The following ZYG11A variants were observed in gnomAD, a reference collection of about 807,000 sequenced individuals.
The protein encoded by ZYG11A is zyg-11 family member A, cell cycle regulator.
In ZYG11A, 62 loss-of-function variants were observed where a neutral mutation model predicts 77.2. The ratio of observed to expected loss-of-function variants is 0.80; its 90% CI spans 0.65 to 0.99. ZYG11A has a LOEUF of 0.99. Among genes scored for constraint, ZYG11A ranks in the 50% least tolerant of loss-of-function variants. ZYG11A has a pLI of 0.00. For synonymous variants in ZYG11A, 315 were observed against 324.6 expected (o/e 0.97, Z 0.32); for missense variants, 828 against 896.8 (o/e 0.92, Z 0.98).
Position 52,867,613 on chromosome 1 carries a change from G to A in ZYG11A, c.1466G>A (p.Ser489Asn), listed in dbSNP as rs1037456298. The part of the protein sequence containing the change: ...ENPKMQTMAV[S>N]VTSILALQLS... ...CCCAAGATGCAAACAATGGCAGTGA[G>A]TGTCACCTCTATTCTGGCTCTGCAG... The change falls in exon 7 of 14, where the codon AGT (serine) becomes AAT (asparagine). Residue 489 changes from serine to asparagine, a missense_variant. Transcript: ENST00000371528. 1 of 1,552,266 alleles carries A rather than the reference G, an allele frequency of 6.4e-7. No homozygotes were observed. Among genetic ancestry groups the A allele is most frequent in the Non-Finnish European group, 8.7e-7 (1 of 1,147,090 alleles).
At position 52,889,713 on chromosome 1, in the gene ZYG11A, A is replaced by AT. The variant is rs34588418; in HGVS notation, c.2104+2676dup. ...GGCTTATTTCAATTTGCTAAATACC[A>AT]TTTTTTTTTTTTTTTTGAGATGGAG... On this transcript the variant is annotated intron_variant, in intron 13 of 13. Transcript: ENST00000371528. 1.6e-3 allele frequency among the ~76,000 whole-genome samples: 208 copies of AT among 132,692 alleles called. 1 individual carries two copies. In the East Asian group the frequency reaches 0.018, roughly 12 times the overall value. The allele number at this position is 132,692 out of a possible 152,430, so 87.1% of individuals were successfully genotyped here.
At chr1:52,858,570 G>T (rs1645862711) in intron 3 of ZYG11A, among the ~76,000 whole-genome samples, 2 of 151,670 alleles carry the variant, frequency 1.3e-5, no homozygotes, top group South Asian at 4.2e-4. Flanking sequence ...CTCCCAAAGT[G>T]CTGGGATTAT....
At chr1:52,844,178 A>C (rs1253930713) in intron 1 of ZYG11A, among the ~76,000 whole-genome samples, 2 of 151,976 alleles carry the variant, frequency 1.3e-5, no homozygotes, top group Admixed American at 6.6e-5. Flanking sequence ...CCCTTGGGGA[A>C]CTCGAGGGAT....
intron 8 of ZYG11A, among the ~76,000 whole-genome samples, chr1:52,871,979 T>C (rs1646176031): frequency 6.6e-6 from 1 of 152,256 alleles, no homozygotes; most frequent in South Asian, 2.1e-4. Flanking sequence ...TGGAATCTTA[T>C]GCTTATGAGT....
intron 8 of ZYG11A, among the ~76,000 whole-genome samples, chr1:52,870,320 G>A (rs1307778505): frequency 2.0e-5 from 3 of 151,166 alleles, no homozygotes; most frequent in Non-Finnish European, 4.4e-5. Flanking sequence ...AGGCAGAGAC[G>A]CTTCTCACTT....
intron 1 of ZYG11A, among the ~76,000 whole-genome samples, chr1:52,852,368 A>ATTT (rs35540943): frequency 7.5e-6 from 1 of 134,120 alleles, no homozygotes; most frequent in East Asian, 2.2e-4. Flanking sequence ...TTTAGAGCAA[A>ATTT]TTTTTTTTTT....
At chr1:52,882,807 A>G (rs1172184319) in intron 11 of ZYG11A, among the ~76,000 whole-genome samples, 1 of 152,146 alleles carries the variant, frequency 6.6e-6, no homozygotes, top group Non-Finnish European at 1.5e-5. Flanking sequence ...AGAAATCACA[A>G]TGGCTTACCC....
At chr1:52,854,366 G>C in intron 1 of ZYG11A, 99 bp from the exon 2 acceptor site, 8 of 1,104,100 alleles carry the variant, frequency 7.2e-6, no homozygotes, top group Non-Finnish European at 9.9e-6. Context: ...TGTATCTTCA[G>C]ATACTCTCAT....
At position 52,873,714 on chromosome 1, in the gene ZYG11A, G is replaced by A. The variant is rs548680153; in HGVS notation, c.1543-3968G>A. 2.0e-4 allele frequency among the ~76,000 whole-genome samples: 30 copies of A among 152,256 alleles called. No homozygotes were observed. In the East Asian group the frequency reaches 2.3e-3, roughly 12 times the overall value. On this transcript the variant is annotated intron_variant, in intron 8 of 13. Coordinates refer to ENST00000371528, the MANE Select transcript of ZYG11A (RefSeq NM_001004339.3). ...TTGAAAGAAGTTCTAGGCCAGGTGC[G>A]GTGGTTCATGCCTGTAATCCCAGCA...
chr1:52,874,532 G>A (rs1259558879), intron 8 of ZYG11A, among the ~76,000 whole-genome samples: 7 of 152,032 alleles, frequency 4.6e-5, no homozygotes, highest in South Asian at 2.1e-4. Context: ...GATTATAGGC[G>A]TGAGCTACTG....
At chr1:52,875,436 T>G (rs1646244115) in intron 8 of ZYG11A, among the ~76,000 whole-genome samples, 2 of 152,198 alleles carry the variant, frequency 1.3e-5, no homozygotes, top group Admixed American at 6.5e-5. Context: ...GAGGGAGAAG[T>G]TGACACCACA....
intron 1 of ZYG11A, among the ~76,000 whole-genome samples, chr1:52,852,843 A>T (rs759995913): frequency 2.0e-5 from 3 of 152,224 alleles, no homozygotes; most frequent in Non-Finnish European, 2.9e-5. Context: ...CCTACAGTCG[A>T]GGAAAATCAT....
At chr1:52,851,665 G>A (rs539793322) in intron 1 of ZYG11A, among the ~76,000 whole-genome samples, 52 of 152,108 alleles carry the variant, frequency 3.4e-4, no homozygotes, top group African/African-American at 1.3e-3. Context: ...CTCCCAAAGT[G>A]TTGGAATTAT....
chr1:52,849,437 C>T (rs936819553), intron 1 of ZYG11A, among the ~76,000 whole-genome samples: 15 of 151,676 alleles, frequency 9.9e-5, no homozygotes, highest in Non-Finnish European at 1.6e-4. Context: ...GATCTCCGCT[C>T]ACTGCAGCCT....
chr1:52,855,389 C>A (rs2149993037), intron 2 of ZYG11A, among the ~76,000 whole-genome samples: 1 of 152,078 alleles, frequency 6.6e-6, no homozygotes, highest in Admixed American at 6.6e-5. Flanking sequence ...GGGGTTTCAC[C>A]ATGTTGGCCA....
chr1:52,870,893 A>G (rs190659821), intron 8 of ZYG11A, among the ~76,000 whole-genome samples: 24 of 143,284 alleles, frequency 1.7e-4, no homozygotes, highest in Non-Finnish European at 3.1e-4. Flanking sequence ...GGAGGGGGAG[A>G]GGGAGAGGGA....
intron 11 of ZYG11A, among the ~76,000 whole-genome samples, chr1:52,885,063 C>G (rs1286323876): frequency 2.0e-5 from 3 of 152,120 alleles, no homozygotes; most frequent in African/African-American, 7.2e-5. Context: ...CACACACCAC[C>G]ATACCCGGCT....
rs1480884814 is a variant in ZYG11A at position 52,877,959 on chromosome 1, T to C, written c.1739T>C (p.Leu580Pro). The C allele has an allele frequency of 1.3e-6, 2 of 1,551,578 alleles. No individual in the cohort carries two copies. The highest frequency in any genetic ancestry group is 1.2e-5 in the South Asian group (1 of 84,064). Residue 580 changes from leucine to proline, a missense_variant, in exon 10 of 14, where the codon CTT becomes CCT. Transcript: ENST00000371528. ...FSESAIQSKV[L>P]GLLNNIAEVR... Reference sequence around the variant, plus strand: ...GAGTCAGCAATACAAAGCAAAGTACTTGGTCTTTTGGTAAGGTGAATTGTT... The same window carrying C: ...GAGTCAGCAATACAAAGCAAAGTACCTGGTCTTTTGGTAAGGTGAATTGTT...
chr1:52,864,290 G>T, intron 5 of ZYG11A, 133 bp downstream of exon 5: 1 of 919,856 alleles, frequency 1.1e-6, no homozygotes, highest in Non-Finnish European at 1.6e-6. Flanking sequence ...CTGTCGCCCA[G>T]GCTGGAGTGC....
Sources: gnomAD v4.1 joint callset for allele counts (sites outside exome capture counted in the v4.1 genomes callset) on GRCh38, gnomAD v4.1.1 for gene constraint, MANE v1.5 for transcripts, NCBI Gene and HGNC (gene_info 2026-07-23, HGNC 2026-07-21) for gene names.